Variants in RABGAP1 observed in about 807,000 individuals in gnomAD.
RABGAP1 encodes the protein rab GTPase-activating protein 1.
Under a neutral mutation model 137.6 loss-of-function variants are expected in RABGAP1, and 23 were observed. The ratio of observed to expected loss-of-function variants is 0.17; its 90% CI spans 0.12 to 0.24. The LOEUF (loss-of-function observed/expected upper bound fraction) is 0.24. RABGAP1 is among the 10% of genes least tolerant of loss of function. RABGAP1 has a pLI of 1.00. For missense variants in RABGAP1, 906 were observed against 1,275.8 expected (o/e 0.71, Z 4.42); for synonymous variants, 451 against 450.7 (o/e 1.00, Z -0.01).
At chr9:123,075,587 A>G (rs563455605) in intron 17 of RABGAP1, among the ~76,000 whole-genome samples, 1 of 152,332 alleles carries the variant, frequency 6.6e-6, no homozygotes, top group African/African-American at 2.4e-5. Flanking sequence ...ATTTCTAATC[A>G]CAAACCTTTA....
chr9:123,017,430 T>A (rs1048853491), intron 12 of RABGAP1, among the ~76,000 whole-genome samples: 8 of 152,228 alleles, frequency 5.3e-5, no homozygotes, highest in Non-Finnish European at 7.3e-5. Context: ...CTATTTTTGC[T>A]TGCTTTAGTC....
intron 4 of RABGAP1, 48 bp from the exon 5 acceptor site, chr9:122,989,249 G>A: frequency 6.6e-7 from 1 of 1,509,118 alleles, no homozygotes; most frequent in East Asian, 2.3e-5. Flanking sequence ...ACGTAGTGCA[G>A]ATTGTTCATA....
At chr9:123,027,598 C>T (rs1240614963) in intron 13 of RABGAP1, among the ~76,000 whole-genome samples, 1 of 152,152 alleles carries the variant, frequency 6.6e-6, no homozygotes, top group East Asian at 1.9e-4. Flanking sequence ...TAAGCATATG[C>T]CTGTGGATAC....
intron 1 of RABGAP1, among the ~76,000 whole-genome samples, chr9:122,952,787 T>C (rs1055428473): frequency 2.0e-5 from 3 of 152,164 alleles, no homozygotes; most frequent in African/African-American, 4.8e-5. Context: ...CTGTTGGTAA[T>C]TGGACTTGTT....
intron 1 of RABGAP1, among the ~76,000 whole-genome samples, chr9:122,942,695 A>ACCC (rs1564345434): frequency 6.7e-6 from 1 of 149,440 alleles, no homozygotes; most frequent in African/African-American, 2.5e-5. Flanking sequence ...AAAACACAAA[A>ACCC]AAACAAAATA....
At chr9:123,050,732 T>C (rs1052652982) in intron 13 of RABGAP1, among the ~76,000 whole-genome samples, 3 of 152,252 alleles carry the variant, frequency 2.0e-5, no homozygotes, top group Non-Finnish European at 2.9e-5. Context: ...ATTACTGATA[T>C]ACAGGCTATG....
At chr9:122,951,684 C>T (rs1371857338) in intron 1 of RABGAP1, among the ~76,000 whole-genome samples, 1 of 152,026 alleles carries the variant, frequency 6.6e-6, no homozygotes, top group South Asian at 2.1e-4. Context: ...AGTCCTCTGG[C>T]TCAGCCTCCC....
At chr9:122,959,434 T>G (rs1834730191) in intron 2 of RABGAP1, among the ~76,000 whole-genome samples, 1 of 151,900 alleles carries the variant, frequency 6.6e-6, no homozygotes, top group South Asian at 2.1e-4. Context: ...TAATTTATAT[T>G]TTTAAAAGCT....
chr9:122,961,463 G>T (rs968358627), intron 2 of RABGAP1, among the ~76,000 whole-genome samples: 1 of 152,148 alleles, frequency 6.6e-6, no homozygotes, highest in Non-Finnish European at 1.5e-5. Flanking sequence ...TGAAGTAAAG[G>T]CATTCTGAGG....
At chr9:123,065,302 A>G (rs751166352) in intron 13 of RABGAP1, 46 bp from the exon 14 acceptor site, 14 of 1,366,448 alleles carry the variant, frequency 1.0e-5, no homozygotes, top group Non-Finnish European at 1.4e-5. Context: ...ATAAGAGTTT[A>G]CATGATTAAC....
intron 21 of RABGAP1, among the ~76,000 whole-genome samples, chr9:123,093,881 G>T (rs2035103114): frequency 6.6e-6 from 1 of 152,184 alleles, no homozygotes; most frequent in South Asian, 2.1e-4. Flanking sequence ...ACTGACATCT[G>T]AACAACAGTT....
Position 123,065,333 on chromosome 9 carries a change from C to A in RABGAP1, c.1795-15C>A. The A allele has an allele frequency of 6.4e-7, 1 of 1,559,820 alleles. No homozygotes were observed. The highest frequency in any genetic ancestry group is 8.8e-7 in the Non-Finnish European group (1 of 1,136,322). On this transcript the variant is annotated splice_polypyrimidine_tract_variant and intron_variant, in intron 13 of 25. Transcript: ENST00000373647. Reference sequence around the variant, plus strand: ...TTAACCTAACTAAACCCTCTCTTTCCTTATGTTTCCACAGGAGTCTCCCCA... The same window carrying A: ...TTAACCTAACTAAACCCTCTCTTTCATTATGTTTCCACAGGAGTCTCCCCA...
chr9:123,011,769 A>G (rs2030829686), intron 11 of RABGAP1, among the ~76,000 whole-genome samples: 1 of 146,816 alleles, frequency 6.8e-6, no homozygotes, highest in South Asian at 2.3e-4. Flanking sequence ...AGTCTGGCCA[A>G]CATGGTGAAA....
At position 123,070,655 on chromosome 9, in the gene RABGAP1, T is replaced by C. The variant is rs1282303122; in HGVS notation, c.1983+231T>C. ...CTGGTACAGGGGTAGACTTCCTTTTTATTAATAGGATGATTGGAGAGACTT... is the reference window on the plus strand; with the variant it reads ...CTGGTACAGGGGTAGACTTCCTTTTCATTAATAGGATGATTGGAGAGACTT... On this transcript the variant is annotated intron_variant, in intron 15 of 25. Coordinates refer to ENST00000373647, the MANE Select transcript of RABGAP1 (RefSeq NM_012197.4). This position sits in a 1 kb window ranked among gnomAD's most constrained non-coding sequence, Gnocchi z 4.4. Among the ~76,000 whole-genome samples, 5 of 152,218 alleles carry C rather than the reference T, an allele frequency of 3.3e-5. No homozygotes were observed. Among genetic ancestry groups the C allele is most frequent in the Non-Finnish European group, 1.5e-5 (1 of 68,034 alleles).
chr9:122,981,870 A>G (rs1235910705), intron 2 of RABGAP1, among the ~76,000 whole-genome samples: 2 of 152,112 alleles, frequency 1.3e-5, no homozygotes, highest in Non-Finnish European at 2.9e-5. Context: ...CCAACATGGC[A>G]AAACGCCGTC....
intron 1 of RABGAP1, among the ~76,000 whole-genome samples, chr9:122,945,642 G>A (rs1455600301): frequency 6.6e-6 from 1 of 152,150 alleles, no homozygotes; most frequent in African/African-American, 2.4e-5. Flanking sequence ...ATGCATAGTT[G>A]TTATGTATTT....
upstream of RABGAP1, chr9:122,938,947 T>C (rs187351784): frequency 6.6e-6 from 1 of 151,882 alleles, no homozygotes; most frequent in Non-Finnish European, 1.5e-5. Context: ...ATCTTTTAAT[T>C]TTTTTTTAAG....
chr9:122,993,771 C>A (rs748022424), intron 6 of RABGAP1, among the ~76,000 whole-genome samples: 2 of 152,178 alleles, frequency 1.3e-5, no homozygotes, highest in Non-Finnish European at 2.9e-5. Flanking sequence ...TCAAGTGATT[C>A]TCCTGCCTCA....
At position 122,989,751 on chromosome 9, in the gene RABGAP1, A is replaced by G. The variant is rs573597107; in HGVS notation, c.765+280A>G. ...TCTAACATTGACAGATTTGCAAACCATTCTTTTAAATCAAAACTTGTTAGG... is the reference window on the plus strand; with the variant it reads ...TCTAACATTGACAGATTTGCAAACCGTTCTTTTAAATCAAAACTTGTTAGG... On this transcript the variant is annotated intron_variant, in intron 5 of 25. Coordinates refer to ENST00000373647, the MANE Select transcript of RABGAP1 (RefSeq NM_012197.4). 4.8e-5 allele frequency: 25 copies of G among 516,158 alleles called. No individual in the cohort carries two copies. The South Asian group carries it at 6.7e-4, about 14-fold the overall frequency. The allele number at this position is 516,158 out of a possible 1,614,324, so 32.0% of individuals were successfully genotyped here. A position where few individuals can be genotyped will look rare whatever the true frequency, so the allele number is the denominator to read the frequency against.
Sources: allele counts gnomAD v4.1 joint callset (sites outside exome capture counted in the v4.1 genomes callset), GRCh38; gene constraint gnomAD v4.1.1; non-coding constraint Gnocchi (gnomAD v3.1); transcripts MANE v1.5; gene names NCBI Gene and HGNC (gene_info 2026-07-23, HGNC 2026-07-21).